Variants in DPYD observed in about 807,000 individuals in gnomAD.
DPYD encodes the protein dihydropyrimidine dehydrogenase.
DPYD carries 109 observed loss-of-function variants against 116.2 expected under a neutral mutation model. That is an observed-to-expected ratio of 0.94 (90% CI 0.80 to 1.10). The LOEUF (loss-of-function observed/expected upper bound fraction) is 1.10. Ranked by LOEUF, DPYD falls within the 50% of genes least tolerant of loss-of-function variation. DPYD has a pLI of 0.00. For synonymous variants in DPYD, 440 were observed against 432.0 expected (o/e 1.02, Z -0.23); for missense variants, 1,302 against 1,254.5 (o/e 1.04, Z -0.57).
intron 13 of DPYD, among the ~76,000 whole-genome samples, chr1:97,500,291 C>T (rs1394091389): frequency 6.6e-6 from 1 of 151,982 alleles, no homozygotes; most frequent in Non-Finnish European, 1.5e-5. Context: ...CAGGCAAAAT[C>T]CAGTTGCATG....
chr1:97,720,838 C>A, intron 5 of DPYD: 1 of 1,599,964 alleles, frequency 6.3e-7, no homozygotes, highest in South Asian at 1.1e-5. Flanking sequence ...CTTGTTGACT[C>A]CAAATAGGAG....
At chr1:97,404,758 C>T (rs543840363) in intron 14 of DPYD, among the ~76,000 whole-genome samples, 8 of 151,876 alleles carry the variant, frequency 5.3e-5, no homozygotes, top group South Asian at 2.1e-4. Flanking sequence ...TTTTAATTGG[C>T]GTATTTAGAT....
At chr1:97,224,117 T>G (rs1245880404) in intron 19 of DPYD, among the ~76,000 whole-genome samples, 3 of 152,058 alleles carry the variant, frequency 2.0e-5, no homozygotes, top group African/African-American at 7.2e-5. Context: ...GATTAAAAAA[T>G]CAGGGATTTC....
intron 3 of DPYD, among the ~76,000 whole-genome samples, chr1:97,803,727 A>G (rs1402990640): frequency 6.6e-6 from 1 of 151,922 alleles, no homozygotes; most frequent in Non-Finnish European, 1.5e-5. Flanking sequence ...ATTTCCTTGT[A>G]TATAAAGCAG....
chr1:97,520,908 C>A (rs1307576380), intron 12 of DPYD, among the ~76,000 whole-genome samples: 3 of 152,018 alleles, frequency 2.0e-5, no homozygotes, highest in Non-Finnish European at 2.9e-5. Flanking sequence ...CAAGTCTTTG[C>A]AATTGTGAAT....
chr1:97,165,726 A>G (rs944766740), intron 20 of DPYD, among the ~76,000 whole-genome samples: 2 of 152,176 alleles, frequency 1.3e-5, no homozygotes, highest in African/African-American at 4.8e-5. Context: ...AAATTACAAG[A>G]AAGAAGTAAC....
intron 18 of DPYD, among the ~76,000 whole-genome samples, chr1:97,241,770 A>T (rs1662353511): frequency 6.6e-6 from 1 of 151,888 alleles, no homozygotes; most frequent in Non-Finnish European, 1.5e-5. Flanking sequence ...TAATACTAAT[A>T]ATATTCCAGG....
intron 14 of DPYD, among the ~76,000 whole-genome samples, chr1:97,440,194 G>A (rs1360855357): frequency 6.6e-6 from 1 of 150,646 alleles, no homozygotes; most frequent in African/African-American, 2.4e-5. Flanking sequence ...GAACCGGGAG[G>A]CAAAAGTTGT....
chr1:97,705,656 G>T (rs1359842315), intron 5 of DPYD, among the ~76,000 whole-genome samples: 2 of 151,978 alleles, frequency 1.3e-5, no homozygotes, highest in Non-Finnish European at 2.9e-5. Flanking sequence ...CCCAGTAATG[G>T]GATGGCTGGG....
chr1:97,841,300 C>T (rs926657925), intron 2 of DPYD, among the ~76,000 whole-genome samples: 1 of 151,868 alleles, frequency 6.6e-6, no homozygotes, highest in African/African-American at 2.4e-5. Flanking sequence ...TGAACTGATC[C>T]TTTTATGAGA....
chr1:97,828,177 T>C lies in DPYD; in HGVS notation c.170A>G (p.Asn57Ser). Residue 57 changes from asparagine to serine, a missense_variant, in exon 3 of 23, where the codon AAT becomes AGT. Asn to Ser is a conservative substitution (Grantham distance 46, BLOSUM62 1). Coordinates refer to ENST00000370192, the MANE Select transcript of DPYD (RefSeq NM_000110.4). ...KNCFNCEKLE[N>S]NFDDIKHTTL... ...CGTGTGCTTGATGTCATCAAAATTATTCTCCAGCTTCTCACAATTCTGCAA... is the reference window on the plus strand; with the variant it reads ...CGTGTGCTTGATGTCATCAAAATTACTCTCCAGCTTCTCACAATTCTGCAA... 1.2e-6 allele frequency: 2 copies of C among 1,613,508 alleles called. No individual in the cohort carries two copies. The highest frequency in any genetic ancestry group is 1.1e-5 in the South Asian group (1 of 91,082).
intron 3 of DPYD, among the ~76,000 whole-genome samples, chr1:97,761,582 T>C (rs1239389608): frequency 6.6e-6 from 1 of 152,156 alleles, no homozygotes; most frequent in Non-Finnish European, 1.5e-5. Context: ...GCTGGGAGTG[T>C]AAATTGTTCC....
chr1:97,523,929 AC>A (rs1279410192), intron 12 of DPYD, among the ~76,000 whole-genome samples: 1 of 152,152 alleles, frequency 6.6e-6, no homozygotes, highest in African/African-American at 2.4e-5. Flanking sequence ...GCTTAATGCC[AC>A]TGGAACTGTA....
chr1:97,619,388 T>C (rs995679353), intron 8 of DPYD, among the ~76,000 whole-genome samples: 1 of 152,204 alleles, frequency 6.6e-6, no homozygotes, highest in African/African-American at 2.4e-5. Context: ...TCTGTTTGAT[T>C]CGCTTGTCTT....
chr1:97,270,931 T>C (rs1374516470), intron 18 of DPYD, among the ~76,000 whole-genome samples: 1 of 152,204 alleles, frequency 6.6e-6, no homozygotes, highest in East Asian at 1.9e-4. Flanking sequence ...ATTTAAAAAA[T>C]GACCAAGAGG....
At chr1:97,604,599 AAT>A (rs1291100505) in intron 8 of DPYD, among the ~76,000 whole-genome samples, 8 of 152,112 alleles carry the variant, frequency 5.3e-5, no homozygotes, top group African/African-American at 1.4e-4. Flanking sequence ...TTTTACAAGA[AAT>A]ATGTTAGATA....
At chr1:97,306,115 T>C (rs1426719061) in intron 17 of DPYD, 62 bp downstream of exon 17, 2 of 1,609,554 alleles carry the variant, frequency 1.2e-6, no homozygotes, top group Non-Finnish European at 1.7e-6. Flanking sequence ...TACTTGAGTA[T>C]GGCTACATAA....
At chr1:97,770,472 G>GA (rs963500708) in intron 3 of DPYD, among the ~76,000 whole-genome samples, 2 of 151,394 alleles carry the variant, frequency 1.3e-5, no homozygotes, top group Admixed American at 6.6e-5. Flanking sequence ...TAAGAAAAGG[G>GA]AAAAAAAAAT....
chr1:97,310,886 C>T (rs1172735767), intron 16 of DPYD, among the ~76,000 whole-genome samples: 1 of 151,702 alleles, frequency 6.6e-6, no homozygotes, highest in Non-Finnish European at 1.5e-5. Context: ...AACAAAATTG[C>T]TGCATATCCA....
Sources: gnomAD v4.1 joint callset for allele counts (sites outside exome capture counted in the v4.1 genomes callset) on GRCh38, gnomAD v4.1.1 for gene constraint, MANE v1.5 for transcripts, NCBI Gene and HGNC (gene_info 2026-07-23, HGNC 2026-07-21) for gene names.